CDC42SE2: variants seen among roughly 807,000 people sequenced by gnomAD.
The protein encoded by CDC42SE2 is CDC42 small effector protein 2.
In CDC42SE2, 3 loss-of-function variants were observed where a neutral mutation model predicts 11.5. The observed-to-expected ratio is 0.26, with a 90% CI of 0.12 to 0.67. CDC42SE2 has a LOEUF of 0.67. Ranked by LOEUF, CDC42SE2 falls within the 30% of genes least tolerant of loss-of-function variation. The pLI is 0.80. For missense variants in CDC42SE2, 82 were observed against 106.8 expected, an observed-to-expected ratio of 0.77 and a Z score of 1.02; for synonymous variants, 33 against 34.8, an observed-to-expected ratio of 0.95 and a Z score of 0.18.
At chr5:131,389,145 T>C (rs1750576809) in intron 4 of CDC42SE2, among the ~76,000 whole-genome samples, 1 of 152,154 alleles carries the variant, frequency 6.6e-6, no homozygotes, top group Admixed American at 6.5e-5. Flanking sequence ...CATAAAGATG[T>C]TTTTTAAGCC....
upstream of CDC42SE2, among the ~76,000 whole-genome samples, chr5:131,242,557 G>C (rs1197240793): frequency 2.0e-5 from 3 of 151,964 alleles, no homozygotes; most frequent in Non-Finnish European, 4.4e-5. Context: ...CATTTTAGCT[G>C]AATTAAATAG....
At position 131,274,149 on chromosome 5, in the gene CDC42SE2, C is replaced by T. The variant is rs535373716; in HGVS notation, c.-455+9983C>T. On this transcript the variant is annotated intron_variant, in intron 1 of 4. Transcript: ENST00000505065. The stretch of plus-strand genomic sequence containing the variant: ...ACCTCCAGACTTCTGTATCCATTTG[C>T]GTACTCCGCATTTTTAAGTAGATTT... Among the ~76,000 whole-genome samples the T allele has an allele frequency of 4.2e-4, 64 of 152,246 alleles. No homozygotes were observed. In the South Asian group the frequency reaches 0.01, roughly 25 times the overall value.
chr5:131,355,300 G>GAC (rs1749502399), intron 2 of CDC42SE2, among the ~76,000 whole-genome samples: 1 of 151,920 alleles, frequency 6.6e-6, no homozygotes, highest in African/African-American at 2.4e-5. Flanking sequence ...AACATAGTGA[G>GAC]ACCCTGTCTC....
intron 3 of CDC42SE2, among the ~76,000 whole-genome samples, chr5:131,365,739 T>G: frequency 6.6e-6 from 1 of 152,134 alleles, no homozygotes; most frequent in Non-Finnish European, 1.5e-5. Context: ...CCCCAGCACT[T>G]TGGGAGGCCA....
Position 131,385,528 on chromosome 5 carries a change from T to G in CDC42SE2, c.55-15T>G. Reference sequence around the variant, plus strand: ...TAAGATCACTTTCTCAACACATTTGTTCCCCATATTTTAGAAAAGGCGACG... The same window carrying G: ...TAAGATCACTTTCTCAACACATTTGGTCCCCATATTTTAGAAAAGGCGACG... On this transcript the variant is annotated splice_polypyrimidine_tract_variant and intron_variant, in intron 3 of 4. Transcript: ENST00000505065. The G allele has an allele frequency of 1.9e-6, 3 of 1,585,226 alleles. No homozygotes were observed. Among genetic ancestry groups the G allele is most frequent in the Non-Finnish European group, 2.6e-6 (3 of 1,154,504 alleles).
chr5:131,307,850 C>T (rs1476115088), intron 1 of CDC42SE2, among the ~76,000 whole-genome samples: 1 of 152,138 alleles, frequency 6.6e-6, no homozygotes, highest in Non-Finnish European at 1.5e-5. Context: ...TGTCTTTTGG[C>T]TGCATGAATG....
chr5:131,233,264 C>T, the CDC42SE2 span, among the ~76,000 whole-genome samples: 1 of 151,886 alleles, frequency 6.6e-6, no homozygotes, highest in Admixed American at 6.6e-5. Flanking sequence ...TATGATAATA[C>T]AATAGTTTTA....
chr5:131,253,371 C>T (rs750707640), intron 1 of CDC42SE2, among the ~76,000 whole-genome samples: 6 of 152,170 alleles, frequency 3.9e-5, no homozygotes, highest in Admixed American at 1.3e-4. Context: ...ATTTCTATCA[C>T]GAAATCCCTA....
chr5:131,251,200 G>A (rs1262748975), intron 1 of CDC42SE2, among the ~76,000 whole-genome samples: 1 of 152,138 alleles, frequency 6.6e-6, no homozygotes, highest in Non-Finnish European at 1.5e-5. Flanking sequence ...TCTGTTAACA[G>A]AATATGAAAG....
chr5:131,344,047 G>C (rs759467130), intron 2 of CDC42SE2, among the ~76,000 whole-genome samples: 7 of 152,190 alleles, frequency 4.6e-5, no homozygotes, highest in Non-Finnish European at 7.3e-5. Flanking sequence ...TGAGTAGGTT[G>C]ATGTCAAGAT....
chr5:131,320,558 A>G (rs1758165713), intron 2 of CDC42SE2, among the ~76,000 whole-genome samples: 1 of 152,116 alleles, frequency 6.6e-6, no homozygotes, highest in African/African-American at 2.4e-5. Context: ...CCTGGTCAAC[A>G]TGGTGAAACC....
intron 2 of CDC42SE2, among the ~76,000 whole-genome samples, chr5:131,346,126 T>C (rs1388519326): frequency 6.6e-6 from 1 of 152,192 alleles, no homozygotes; most frequent in Non-Finnish European, 1.5e-5. Context: ...AACATCATAA[T>C]GACAGGATCG....
In CDC42SE2 at chr5:131,317,793, T is replaced by C. The variant is rs182020404; in HGVS notation, c.-286+1649T>C. On this transcript the variant is annotated intron_variant, in intron 2 of 4. Transcript: ENST00000505065. Reference sequence around the variant, plus strand: ...AAGGAAAAAGATAAAACCTGTGTTATGATTTTACCAGGTAATCTGGTAGTA... The same window carrying C: ...AAGGAAAAAGATAAAACCTGTGTTACGATTTTACCAGGTAATCTGGTAGTA... 5.9e-5 allele frequency among the ~76,000 whole-genome samples: 9 copies of C among 152,334 alleles called. No individual in the cohort carries two copies. In the South Asian group the frequency reaches 1.0e-3, roughly 18 times the overall value.
chr5:131,349,832 C>T (rs973483710), intron 2 of CDC42SE2, among the ~76,000 whole-genome samples: 2 of 152,066 alleles, frequency 1.3e-5, no homozygotes, highest in African/African-American at 4.8e-5. Flanking sequence ...GGTATGTGCA[C>T]AAAAGGACAA....
chr5:131,284,824 A>G (rs1453885677), intron 1 of CDC42SE2, among the ~76,000 whole-genome samples: 2 of 152,120 alleles, frequency 1.3e-5, no homozygotes, highest in Non-Finnish European at 2.9e-5. Context: ...ATGATCATAT[A>G]TTCCTTTTAT....
Position 131,321,937 on chromosome 5 carries a change from G to A in CDC42SE2, c.-286+5793G>A, listed in dbSNP as rs138864474. ...GCGATGTCGGCTCACTGCAAGCTCC[G>A]CCTCCCGGGTTCATGCCATTCTCCT... On this transcript the variant is annotated intron_variant, in intron 2 of 4. Coordinates refer to ENST00000505065, the MANE Select transcript of CDC42SE2 (RefSeq NM_001375635.1). Among the ~76,000 whole-genome samples the A allele has an allele frequency of 9.7e-3, 1,484 of 152,242 alleles. 25 individuals carry two copies. Among genetic ancestry groups the A allele is most frequent in the African/African-American group, 0.034 (1,399 of 41,546 alleles).
At chr5:131,388,393 G>T (rs1461383759) in intron 4 of CDC42SE2, among the ~76,000 whole-genome samples, 1 of 152,274 alleles carries the variant, frequency 6.6e-6, no homozygotes, top group African/African-American at 2.4e-5. Flanking sequence ...TAATAAATAA[G>T]AAGAAACCAT....
At chr5:131,379,983 G>A (rs1750270729) in intron 3 of CDC42SE2, among the ~76,000 whole-genome samples, 1 of 151,214 alleles carries the variant, frequency 6.6e-6, no homozygotes, top group African/African-American at 2.4e-5. Context: ...GTGTGATCTC[G>A]GCTCACTGCA....
At chr5:131,355,128 T>C (rs773172732) in intron 2 of CDC42SE2, among the ~76,000 whole-genome samples, 1 of 152,210 alleles carries the variant, frequency 6.6e-6, no homozygotes, top group Non-Finnish European at 1.5e-5. Context: ...ACATTACTTC[T>C]GGTCCCAAGC....
Sources: allele counts gnomAD v4.1 joint callset (sites outside exome capture counted in the v4.1 genomes callset), GRCh38; gene constraint gnomAD v4.1.1; transcripts MANE v1.5; gene names NCBI Gene and HGNC (gene_info 2026-07-23, HGNC 2026-07-21).